CNOT10: variants seen among roughly 807,000 people sequenced by gnomAD.
CNOT10 encodes CCR4-NOT transcription complex, subunit 10.
Under a neutral mutation model 94.6 loss-of-function variants are expected in CNOT10, and 30 were observed. The ratio of observed to expected loss-of-function variants is 0.32; its 90% CI spans 0.24 to 0.43. The LOEUF (loss-of-function observed/expected upper bound fraction) is 0.43, where lower values mean the gene tolerates loss of function less well. Ranked by LOEUF, CNOT10 falls within the 20% of genes least tolerant of loss-of-function variation. The pLI is 1.00. For missense variants in CNOT10, 759 were observed against 877.2 expected, an observed-to-expected ratio of 0.87 and a Z score of 1.70; for synonymous variants, 289 against 301.6, an observed-to-expected ratio of 0.96 and a Z score of 0.43.
chr3:32,714,313 A>G (rs1227438048), intron 5 of CNOT10, among the ~76,000 whole-genome samples: 3 of 152,144 alleles, frequency 2.0e-5, no homozygotes, highest in African/African-American at 7.2e-5. Flanking sequence ...TTATTTTTAT[A>G]GAATTGAAAG....
chr3:32,747,288 C>T (rs968317670), intron 13 of CNOT10, among the ~76,000 whole-genome samples: 4 of 151,714 alleles, frequency 2.6e-5, no homozygotes, highest in Admixed American at 2.6e-4. Flanking sequence ...TGTACTGGCG[C>T]ATGCCTGTAA....
chr3:32,720,079 A>G (rs1327236727), intron 7 of CNOT10, 35 bp from the exon 8 acceptor site: 5 of 1,177,538 alleles, frequency 4.2e-6, no homozygotes, highest in Non-Finnish European at 6.1e-6. Flanking sequence ...GCGTCTGAAA[A>G]CAAATTATAA....
At position 32,687,453 on chromosome 3, in the gene CNOT10, T is replaced by TTTTTTTTTTG. The variant is rs1553627009; in HGVS notation, c.22+1980_22+1981insGTTTTTTTTT. On this transcript the variant is annotated intron_variant, in intron 1 of 18. Coordinates refer to ENST00000328834, the MANE Select transcript of CNOT10 (RefSeq NM_015442.3). The stretch of plus-strand genomic sequence containing the variant: ...AAGTCCTCACGGTTTTTTTTTTTTG[T>TTTTTTTTTTG]TTTTTTTTTTTTTTTTGAGACGGAG... Among the ~76,000 whole-genome samples, 38 of 57,206 alleles carry TTTTTTTTTTG rather than the reference T, an allele frequency of 6.6e-4. 2 individuals are homozygous for TTTTTTTTTTG. The highest frequency in any genetic ancestry group is 1.9e-3 in the African/African-American group (28 of 14,718). 37.5% of individuals were successfully genotyped at this position (57,206 alleles called of 152,430 possible).
chr3:32,725,404 A>AAT, intron 8 of CNOT10, 46 bp from the exon 9 acceptor site: 1 of 1,513,074 alleles, frequency 6.6e-7, no homozygotes, highest in Non-Finnish European at 9.2e-7. Context: ...GAGGGACATC[A>AAT]ACATTAAAAT....
At chr3:32,758,967 A>C (rs541560517) in intron 13 of CNOT10, among the ~76,000 whole-genome samples, 2 of 152,218 alleles carry the variant, frequency 1.3e-5, no homozygotes, top group African/African-American at 4.8e-5. Context: ...TAATTGGTTG[A>C]GAAAAGAACA....
chr3:32,699,907 G>A (rs1697254552), intron 1 of CNOT10, among the ~76,000 whole-genome samples: 1 of 152,030 alleles, frequency 6.6e-6, no homozygotes, highest in South Asian at 2.1e-4. Context: ...TTTCTCATGT[G>A]GGTATTTGTC....
chr3:32,728,405 G>A (rs902083644), intron 10 of CNOT10, among the ~76,000 whole-genome samples: 5 of 151,944 alleles, frequency 3.3e-5, no homozygotes, highest in Non-Finnish European at 7.4e-5. Flanking sequence ...TGGATCACTT[G>A]AGCTCAGGAG....
intron 13 of CNOT10, among the ~76,000 whole-genome samples, chr3:32,751,240 A>G (rs1699953112): frequency 6.6e-6 from 1 of 152,090 alleles, no homozygotes; most frequent in South Asian, 2.1e-4. Context: ...AGCTGGGACT[A>G]CAGATGTGCA....
At chr3:32,736,207 C>G (rs535596520) in intron 12 of CNOT10, among the ~76,000 whole-genome samples, 115 of 152,162 alleles carry the variant, frequency 7.6e-4, no homozygotes, top group African/African-American at 2.5e-3. Flanking sequence ...TGCCTCAACC[C>G]CCTAAATAGC....
chr3:32,754,432 G>A (rs1242095959), intron 13 of CNOT10, among the ~76,000 whole-genome samples: 1 of 125,890 alleles, frequency 7.9e-6, no homozygotes, highest in African/African-American at 3.1e-5. Context: ...AGCCAAGATC[G>A]TGCCACTGCA....
intron 13 of CNOT10, among the ~76,000 whole-genome samples, chr3:32,754,846 C>T (rs78440004): frequency 0.086 from 12,827 of 149,962 alleles, 656 homozygotes; most frequent in Middle Eastern, 0.19. Context: ...AAAATCTCAG[C>T]TACTCTGGGC....
At chr3:32,738,166 C>T (rs182396141) in intron 13 of CNOT10, among the ~76,000 whole-genome samples, 39 of 152,152 alleles carry the variant, frequency 2.6e-4, no homozygotes, top group South Asian at 6.2e-4. Context: ...GAACAACGGG[C>T]GCTAAGGCCT....
intron 13 of CNOT10, among the ~76,000 whole-genome samples, chr3:32,754,475 T>TCAA (rs1700115319): frequency 2.2e-4 from 1 of 4,568 alleles, no homozygotes; most frequent in South Asian, 0.015. Context: ...AGACTCCGTC[T>TCAA]CAAAAAAAAA....
chr3:32,745,824 C>A (rs1201009494), intron 13 of CNOT10, among the ~76,000 whole-genome samples: 1 of 151,576 alleles, frequency 6.6e-6, no homozygotes, highest in Non-Finnish European at 1.5e-5. Context: ...CATGGTGAAA[C>A]CCTGTCTGTA....
chr3:32,713,410 A>G, intron 5 of CNOT10, 41 bp downstream of exon 5: 1 of 1,471,016 alleles, frequency 6.8e-7, no homozygotes, highest in Non-Finnish European at 9.2e-7. Context: ...CTAAAATGTG[A>G]TTAATTCTCT....
At chr3:32,712,691 T>G (rs1378132367) in intron 4 of CNOT10, among the ~76,000 whole-genome samples, 4 of 151,966 alleles carry the variant, frequency 2.6e-5, no homozygotes, top group Non-Finnish European at 5.9e-5. Context: ...ATGAAAAAAT[T>G]AGCCAGGCAT....
At chr3:32,770,087 C>A in intron 18 of CNOT10, 125 bp downstream of exon 18, 2 of 677,264 alleles carry the variant, frequency 3.0e-6, no homozygotes, top group Admixed American at 2.4e-5. Flanking sequence ...CTCACTGCAG[C>A]CTCCAAACTC....
intron 8 of CNOT10, 50 bp from the exon 9 acceptor site, chr3:32,725,400 C>A: frequency 1.4e-6 from 2 of 1,432,416 alleles, no homozygotes; most frequent in Non-Finnish European, 2.0e-6. Flanking sequence ...GTCTGAGGGA[C>A]ATCAACATTA....
chr3:32,740,752 C>T (rs1024619884), intron 13 of CNOT10, among the ~76,000 whole-genome samples: 2 of 151,672 alleles, frequency 1.3e-5, no homozygotes, highest in African/African-American at 4.8e-5. Flanking sequence ...GTCCCAGCTA[C>T]GCGGGAGGCT....
Sources: gnomAD v4.1 joint callset for allele counts (sites outside exome capture counted in the v4.1 genomes callset) on GRCh38, gnomAD v4.1.1 for gene constraint, MANE v1.5 for transcripts, NCBI Gene and HGNC (gene_info 2026-07-23, HGNC 2026-07-21) for gene names.